ASCL5: variants seen among roughly 807,000 people sequenced by gnomAD.
ASCL5 encodes achaete-scute family bHLH transcription factor 5, also known as achaete-scute homolog 5.
For synonymous variants in ASCL5, 124 were observed against 131.5 expected (o/e 0.94, Z 0.39); for missense variants, 262 against 268.9 (o/e 0.97, Z 0.18).
chr1:201,116,692 G>C (rs1663354867), intron 1 of ASCL5, among the ~76,000 whole-genome samples: 1 of 152,144 alleles, frequency 6.6e-6, no homozygotes, highest in South Asian at 2.1e-4. Flanking sequence ...GTTGAGTTTA[G>C]GTGCCACCAA....
At chr1:201,121,043 A>T (rs1663444548) in intron 1 of ASCL5, among the ~76,000 whole-genome samples, 1 of 152,170 alleles carries the variant, frequency 6.6e-6, no homozygotes. Flanking sequence ...TGGTTGCTAA[A>T]ACCTTTCCCC....
At chr1:201,121,167 A>G (rs946893596) in intron 1 of ASCL5, among the ~76,000 whole-genome samples, 2 of 152,256 alleles carry the variant, frequency 1.3e-5, no homozygotes, top group Non-Finnish European at 2.9e-5. Context: ...GAAGCCCTGC[A>G]GGTAAAGAAA....
Position 201,114,967 on chromosome 1 carries a change from G to T in ASCL5, c.406C>A (p.Gln136Lys). 5.7e-6 allele frequency: 7 copies of T among 1,231,562 alleles called. No individual in the cohort carries two copies. The highest frequency in any genetic ancestry group is 3.2e-5 in the East Asian group (1 of 31,688). 76.3% of individuals were successfully genotyped at this position (1,231,562 alleles called of 1,614,324 possible). A position where few individuals can be genotyped will look rare whatever the true frequency, so the allele number is the denominator to read the frequency against. Residue 136 changes from glutamine to lysine, a missense_variant, in exon 2 of 2, where the codon CAA (glutamine) becomes AAA (lysine). Coordinates refer to ENST00000449188, the MANE Select transcript of ASCL5 (RefSeq NM_001270601.2). ...TCGGGGGCCGAGCTCAGCAGCTCTT[G>T]CAGGTACTTTATGTAGCGGATGGCG... ...RAAIRYIKYL[Q>K]ELLSSAPDGS...
chr1:201,117,611 G>C (rs757462959), intron 1 of ASCL5, among the ~76,000 whole-genome samples: 7 of 152,082 alleles, frequency 4.6e-5, no homozygotes, highest in African/African-American at 7.2e-5. Context: ...TTGCTTTCCG[G>C]ATCTCACACT....
At chr1:201,116,429 A>T (rs1387443873) in intron 1 of ASCL5, among the ~76,000 whole-genome samples, 1 of 152,166 alleles carries the variant, frequency 6.6e-6, no homozygotes, top group Admixed American at 6.5e-5. Flanking sequence ...TCCCTGCCCC[A>T]GTCCCTGTGG....
In ASCL5 at chr1:201,126,712, C is replaced by G. The variant is rs112269309; in HGVS notation, c.-506+372G>C. On this transcript the variant is annotated intron_variant, in intron 1 of 1. Coordinates refer to ENST00000449188, the MANE Select transcript of ASCL5 (RefSeq NM_001270601.2). Reference sequence around the variant, plus strand: ...GAGCTAGGGTGTGAGCCCGGGCCATCTCTCCTGTGGCCAGGCCCTTCACCA... The same window carrying G: ...GAGCTAGGGTGTGAGCCCGGGCCATGTCTCCTGTGGCCAGGCCCTTCACCA... Among the ~76,000 whole-genome samples the G allele has an allele frequency of 1.9e-3, 282 of 152,328 alleles. 1 individual carries two copies. The highest frequency in any genetic ancestry group is 6.6e-3 in the African/African-American group (274 of 41,570).
chr1:201,119,509 C>T (rs1299225967), intron 1 of ASCL5, among the ~76,000 whole-genome samples: 1 of 152,150 alleles, frequency 6.6e-6, no homozygotes, highest in Non-Finnish European at 1.5e-5. Flanking sequence ...TGACAGCTCC[C>T]TTTGGGGACT....
intron 1 of ASCL5, among the ~76,000 whole-genome samples, chr1:201,119,286 C>CA (rs1415043401): frequency 3.3e-5 from 5 of 152,288 alleles, no homozygotes; most frequent in Middle Eastern, 3.4e-3. Flanking sequence ...CTGAGTCAAG[C>CA]AGCAGGAGCC....
chr1:201,122,408 G>T (rs149339825), intron 1 of ASCL5, among the ~76,000 whole-genome samples: 3 of 152,184 alleles, frequency 2.0e-5, no homozygotes, highest in Non-Finnish European at 4.4e-5. Flanking sequence ...GGATGGGCTC[G>T]CGTGGATTAG....
intron 1 of ASCL5, among the ~76,000 whole-genome samples, chr1:201,117,315 A>G (rs1299694232): frequency 2.0e-5 from 3 of 152,094 alleles, no homozygotes; most frequent in Non-Finnish European, 4.4e-5. Flanking sequence ...GGGTGCCTGT[A>G]ATCCCAGCTA....
At chr1:201,123,020 G>A (rs1020697672) in intron 1 of ASCL5, among the ~76,000 whole-genome samples, 4 of 152,144 alleles carry the variant, frequency 2.6e-5, no homozygotes, top group African/African-American at 9.7e-5. Context: ...TAAGGGACGG[G>A]TGACCTTCAG....
intron 1 of ASCL5, among the ~76,000 whole-genome samples, chr1:201,116,436 G>A (rs1663351654): frequency 6.6e-6 from 1 of 152,168 alleles, no homozygotes; most frequent in Non-Finnish European, 1.5e-5. Context: ...CCCAGTCCCT[G>A]TGGTCTGGGA....
At chr1:201,123,969 A>G (rs971920034) in intron 1 of ASCL5, among the ~76,000 whole-genome samples, 1 of 152,170 alleles carries the variant, frequency 6.6e-6, no homozygotes, top group Non-Finnish European at 1.5e-5. Flanking sequence ...GTGACTAGGA[A>G]CCCAGTATTT....
chr1:201,120,991 G>A (rs1359363986), intron 1 of ASCL5, among the ~76,000 whole-genome samples: 1 of 152,212 alleles, frequency 6.6e-6, no homozygotes, highest in Non-Finnish European at 1.5e-5. Context: ...GAACTCATTA[G>A]CTTTGTGGAA....
At chr1:201,123,220 G>A (rs1663516172) in intron 1 of ASCL5, among the ~76,000 whole-genome samples, 1 of 152,148 alleles carries the variant, frequency 6.6e-6, no homozygotes, top group African/African-American at 2.4e-5. Flanking sequence ...TGAATGAAAA[G>A]GGTAACTGAA....
At chr1:201,124,536 G>A (rs947112716) in intron 1 of ASCL5, among the ~76,000 whole-genome samples, 1 of 150,370 alleles carries the variant, frequency 6.7e-6, no homozygotes, top group Admixed American at 6.6e-5. Context: ...TCCCTTGTAG[G>A]TGACGGCTAT....
At chr1:201,118,992 G>A (rs1191269908) in intron 1 of ASCL5, among the ~76,000 whole-genome samples, 1 of 152,146 alleles carries the variant, frequency 6.6e-6, no homozygotes, top group African/African-American at 2.4e-5. Flanking sequence ...TCTACTAGTG[G>A]CTTCTCATCT....
chr1:201,114,053 A>C lies in ASCL5; in HGVS notation c.*699T>G, dbSNP rs979822305. ...CCCAAGGCTTACAGTCTGAGGGAAA[A>C]AAACCACAGTCCCCACCCAACCTGG... On this transcript the variant is annotated 3_prime_UTR_variant, in exon 2 of 2. Transcript: ENST00000449188. 6.6e-6 allele frequency: 1 copy of C among 152,112 alleles called. No individual in the cohort carries two copies. Among genetic ancestry groups the C allele is most frequent in the Admixed American group, 6.6e-5 (1 of 15,258 alleles). The allele number at this position is 152,112 out of a possible 1,614,324, so 9.4% of individuals were successfully genotyped here. A position where few individuals can be genotyped will look rare whatever the true frequency, so the allele number is the denominator to read the frequency against.
intron 1 of ASCL5, among the ~76,000 whole-genome samples, chr1:201,123,255 T>C (rs1185025269): frequency 6.6e-6 from 1 of 152,254 alleles, no homozygotes; most frequent in Non-Finnish European, 1.5e-5. Flanking sequence ...ATAAATTGAA[T>C]TTATTCAACC....
Sources: allele counts gnomAD v4.1 joint callset (sites outside exome capture counted in the v4.1 genomes callset), GRCh38; gene constraint gnomAD v4.1.1; transcripts MANE v1.5; gene names NCBI Gene and HGNC (gene_info 2026-07-23, HGNC 2026-07-21).